The following TMEM9B variants were observed in gnomAD, a reference collection of about 807,000 sequenced individuals.
TMEM9B encodes TMEM9 domain family member B.
TMEM9B carries 8 observed loss-of-function variants against 23.5 expected under a neutral mutation model. The ratio of observed to expected loss-of-function variants is 0.34; its 90% confidence interval spans 0.20 to 0.61. The LOEUF (loss-of-function observed/expected upper bound fraction) is 0.61, where lower values mean the gene tolerates loss of function less well. Among genes scored for constraint, TMEM9B ranks in the 20% least tolerant of loss-of-function variants. The pLI, the probability that TMEM9B is intolerant of heterozygous loss-of-function variation, is 0.78. For synonymous variants in TMEM9B, 106 were observed against 96.3 expected (o/e 1.10, Z -0.59); for missense variants, 197 against 252.3 (o/e 0.78, Z 1.49).
chr11:8,952,773 T>C (rs751980980), intron 4 of TMEM9B: 11 of 259,108 alleles, frequency 4.2e-5, no homozygotes, highest in Non-Finnish European at 8.0e-5. Context: ...GTTATCAAGT[T>C]GTACTTCATT....
At position 8,948,455 on chromosome 11, in the gene TMEM9B, A is replaced by G; in HGVS notation, c.462T>C (p.Asn154=). The G allele has an allele frequency of 1.9e-6, 3 of 1,614,096 alleles. No homozygotes were observed. Among genetic ancestry groups the G allele is most frequent in the Non-Finnish European group, 2.5e-6 (3 of 1,179,980 alleles). ...GGGAGCGGGCTAGCACATCGTGTGC[A>G]TTTGCAAAAGGCTGGTGATCCTAAA... ...DDIGDHQPFA[N]AHDVLARSRS... is the part of the protein sequence containing the mutation. The change falls in exon 5 of 5, where the codon AAT becomes AAC. Residue 154 remains asparagine, a synonymous_variant. Transcript: ENST00000534025.
rs116857242 is a variant in TMEM9B, at chr11:8,949,412, T to C, written c.442-937A>G. ...AGTAATTTATTGCTTTTGTTTGCCT[T>C]TTCCTTGATCTCTTTTTCTTGAACC... On this transcript the variant is annotated intron_variant, in intron 4 of 4. Transcript: ENST00000534025. Among the ~76,000 whole-genome samples the C allele has an allele frequency of 4.0e-3, 602 of 152,360 alleles. 5 individuals are homozygous for C. Among genetic ancestry groups the C allele is most frequent in the Admixed American group, 8.2e-3 (125 of 15,310 alleles).
chr11:8,961,850 T>G (rs1194904728), intron 2 of TMEM9B, among the ~76,000 whole-genome samples: 1 of 152,144 alleles, frequency 6.6e-6, no homozygotes, highest in African/African-American at 2.4e-5. Flanking sequence ...ACAAACCCAG[T>G]CATATGCTCC....
intron 3 of TMEM9B, 46 bp downstream of exon 3, chr11:8,956,144 C>G (rs2742488): frequency 0.61 from 956,875 of 1,561,566 alleles, 296,022 homozygotes; most frequent in East Asian, 0.81. Context: ...GCAGAAAAGA[C>G]GTAGACAGAC....
intron 3 of TMEM9B, among the ~76,000 whole-genome samples, chr11:8,955,680 C>G (rs1853962313): frequency 6.6e-6 from 1 of 150,782 alleles, no homozygotes; most frequent in Non-Finnish European, 1.5e-5. Context: ...TGATGGGGAG[C>G]AGCTGTAAAT....
rs1854147585 is a variant in TMEM9B, at chr11:8,964,301, A to G, written c.13T>C (p.Trp5Arg). The G allele has an allele frequency of 2.5e-6, 4 of 1,582,022 alleles. No homozygotes were observed. Among genetic ancestry groups the G allele is most frequent in the East Asian group, 2.3e-5 (1 of 43,280 alleles). ...GAGCCAAGCCGAAGAAGGCCTCCCC[A>G]CAGGGTCGCCATCGCTGGGGGCCCA... MATL[W>R]GGLLRLGSLL... Residue 5 changes from tryptophan (W) to arginine (R), a missense_variant, in exon 1 of 5, where the codon TGG (tryptophan) becomes CGG (arginine). Physicochemically the swap from Trp to Arg is moderately radical, Grantham distance 101. This residue lies in a region of TMEM9B where 56 missense variants were observed against 38.2 expected (regional missense o/e 1.46). Transcript: ENST00000534025.
chr11:8,958,538 A>T (rs1438996943), intron 2 of TMEM9B, among the ~76,000 whole-genome samples: 2 of 151,688 alleles, frequency 1.3e-5, no homozygotes, highest in East Asian at 1.9e-4. Context: ...AGAAAAAATA[A>T]CCAAAACGGT....
rs149503960 is a variant in TMEM9B at position 8,961,802 on chromosome 11, G to A, written c.197+290C>T. On this transcript the variant is annotated intron_variant, in intron 2 of 4. Coordinates refer to ENST00000534025, the MANE Select transcript of TMEM9B (RefSeq NM_020644.3). ...AGAAAGGTCCCTCACCAAAACTTGAGGGAGTACAGCAAGATAGCTATGGGT... is the reference window on the plus strand; with the variant it reads ...AGAAAGGTCCCTCACCAAAACTTGAAGGAGTACAGCAAGATAGCTATGGGT... Among the ~76,000 whole-genome samples the A allele has an allele frequency of 3.0e-3, 462 of 152,288 alleles. 1 individual carries two copies. Among genetic ancestry groups the A allele is most frequent in the Middle Eastern group, 6.8e-3 (2 of 294 alleles).
In TMEM9B at chr11:8,964,380, C is replaced by G; in HGVS notation, c.-67G>C. On this transcript the variant is annotated 5_prime_UTR_variant, in exon 1 of 5. Coordinates refer to ENST00000534025, the MANE Select transcript of TMEM9B (RefSeq NM_020644.3). ...CCGGCTCCCGGCTCGGGCTCAGGCT[C>G]AGGCTCAGGCTCAGGCACAGGCTTG... 4 of 1,507,340 alleles carry G rather than the reference C, an allele frequency of 2.7e-6. No homozygotes were observed. The highest frequency in any genetic ancestry group is 3.5e-6 in the Non-Finnish European group (4 of 1,131,312). The allele number at this position is 1,507,340 out of a possible 1,614,324, so 93.4% of individuals were successfully genotyped here.
At chr11:8,960,682 T>G (rs1389648562) in intron 2 of TMEM9B, among the ~76,000 whole-genome samples, 1 of 151,842 alleles carries the variant, frequency 6.6e-6, no homozygotes, top group Admixed American at 6.6e-5. Flanking sequence ...TATTTGAACA[T>G]TCTTTTTTTT....
rs1853784656 is a variant in TMEM9B, at chr11:8,947,210, A to C, written c.*1110T>G. The C allele has an allele frequency of 6.6e-6, 1 of 152,658 alleles. No individual in the cohort carries two copies. Among genetic ancestry groups the C allele is most frequent in the East Asian group, 1.9e-4 (1 of 5,208 alleles). The allele number at this position is 152,658 out of a possible 1,614,324, so 9.5% of individuals were successfully genotyped here. A position where few individuals can be genotyped will look rare whatever the true frequency, so the allele number is the denominator to read the frequency against. ...AAACAGTAGTCTCAGAACAGGGTACAAAATGTCTTTATATCTTCAATCTCA... is the reference window on the plus strand; with the variant it reads ...AAACAGTAGTCTCAGAACAGGGTACCAAATGTCTTTATATCTTCAATCTCA... On this transcript the variant is annotated 3_prime_UTR_variant, in exon 5 of 5. Transcript: ENST00000534025.
At chr11:8,950,137 A>C (rs529801268) in intron 4 of TMEM9B, among the ~76,000 whole-genome samples, 53 of 151,620 alleles carry the variant, frequency 3.5e-4, no homozygotes, top group Non-Finnish European at 6.8e-4. Context: ...AAAGCTAAAA[A>C]AGAAAAAAAA....
upstream of TMEM9B, chr11:8,964,530 TG>T: frequency 7.4e-7 from 1 of 1,353,150 alleles, no homozygotes; most frequent in Non-Finnish European, 9.6e-7. Flanking sequence ...GCCGGGAGGC[TG>T]GGCAGTCCTG....
rs1400442777 is a variant in TMEM9B at position 8,954,406 on chromosome 11, A to AG, written c.307-1070dup. Among the ~76,000 whole-genome samples the AG allele has an allele frequency of 3.9e-5, 6 of 152,088 alleles. No individual in the cohort carries two copies. In the East Asian group the frequency reaches 1.2e-3, roughly 29 times the overall value. On this transcript the variant is annotated intron_variant, in intron 3 of 4. Transcript: ENST00000534025. ...CAGGATCAAGTGATTCTCATGCCGT[A>AG]GCCTCCCAAGTAGCTGGGACTACAG... is the stretch of plus-strand genomic sequence containing the variant.
intron 1 of TMEM9B, among the ~76,000 whole-genome samples, chr11:8,963,737 C>A (rs994613782): frequency 1.3e-5 from 2 of 152,160 alleles, no homozygotes; most frequent in Non-Finnish European, 2.9e-5. Flanking sequence ...GTGAGCTGAG[C>A]TGAGTCGGCC....
chr11:8,964,344 A>G lies in TMEM9B; in HGVS notation c.-31T>C. The G allele has an allele frequency of 6.5e-7, 1 of 1,542,592 alleles. No homozygotes were observed. Among genetic ancestry groups the G allele is most frequent in the Non-Finnish European group, 8.7e-7 (1 of 1,145,426 alleles). On this transcript the variant is annotated 5_prime_UTR_variant, in exon 1 of 5. Coordinates refer to ENST00000534025, the MANE Select transcript of TMEM9B (RefSeq NM_020644.3). ...GGGGCCCAGCGGTCCCACAGCCCGGAGCCCCCGCGACCGGCTCCCGGCTCG... is the reference window on the plus strand; with the variant it reads ...GGGGCCCAGCGGTCCCACAGCCCGGGGCCCCCGCGACCGGCTCCCGGCTCG...
chr11:8,960,798 C>T (rs1250646778), intron 2 of TMEM9B, among the ~76,000 whole-genome samples: 1 of 151,826 alleles, frequency 6.6e-6, no homozygotes, highest in Non-Finnish European at 1.5e-5. Context: ...TCTCCTGCCT[C>T]GGCCTCCCGA....
intron 4 of TMEM9B, among the ~76,000 whole-genome samples, chr11:8,951,639 T>A (rs1853877520): frequency 6.6e-6 from 1 of 151,056 alleles, no homozygotes. Context: ...GCGCCTGTAG[T>A]TCCAGCTACT....
Position 8,947,353 on chromosome 11 carries a change from C to T in TMEM9B, c.*967G>A, listed in dbSNP as rs967281743. 1.3e-5 allele frequency: 2 copies of T among 152,520 alleles called. No individual in the cohort carries two copies. The highest frequency in any genetic ancestry group is 2.9e-5 in the Non-Finnish European group (2 of 68,020). 9.4% of individuals were successfully genotyped at this position (152,520 alleles called of 1,614,324 possible). ...AAAGAGGACATAGGAAGAAAAAAGCCAGTTATCCAATAATGGTTAGACCTT... is the reference window on the plus strand; with the variant it reads ...AAAGAGGACATAGGAAGAAAAAAGCTAGTTATCCAATAATGGTTAGACCTT... On this transcript the variant is annotated 3_prime_UTR_variant, in exon 5 of 5. Transcript: ENST00000534025.
Sources: gnomAD v4.1 joint callset for allele counts (sites outside exome capture counted in the v4.1 genomes callset) on GRCh38, gnomAD v4.1.1 for gene constraint, gnomAD v4.1.1 regional missense constraint, MANE v1.5 for transcripts, NCBI Gene and HGNC (gene_info 2026-07-23, HGNC 2026-07-21) for gene names.